The following PLOD3 variants were observed in gnomAD, a reference collection of about 807,000 sequenced individuals.
The protein encoded by PLOD3 is multifunctional procollagen lysine hydroxylase and glycosyltransferase LH3.
Under a neutral mutation model 96.9 loss-of-function variants are expected in PLOD3, and 73 were observed. The observed-to-expected ratio is 0.75, with a 90% CI of 0.62 to 0.92. The LOEUF (loss-of-function observed/expected upper bound fraction) is 0.92. Among genes scored for constraint, PLOD3 ranks in the 40% least tolerant of loss-of-function variants. The pLI, the probability that PLOD3 is intolerant of heterozygous loss-of-function variation, is 0.00. For missense variants in PLOD3, 1,004 were observed against 1,004.3 expected (o/e 1.00, Z 0.00); for synonymous variants, 454 against 413.7 (o/e 1.10, Z -1.18).
At chr7:101,208,420 T>C (rs1798120421) in intron 16 of PLOD3, among the ~76,000 whole-genome samples, 1 of 152,180 alleles carries the variant, frequency 6.6e-6, no homozygotes, top group African/African-American at 2.4e-5. Flanking sequence ...TTTGTGTTTT[T>C]AGTAGAGATG....
At chr7:101,206,561 T>C in intron 18 of PLOD3, 125 bp from the exon 19 acceptor site, 1 of 1,001,158 alleles carries the variant, frequency 1.0e-6, no homozygotes, top group Non-Finnish European at 1.5e-6. Flanking sequence ...ACAAGGGAGA[T>C]GGCAGATATG....
intron 14 of PLOD3, 21 bp downstream of exon 14, chr7:101,210,310 G>T: frequency 6.3e-7 from 1 of 1,592,718 alleles, no homozygotes; most frequent in Non-Finnish European, 8.6e-7. Context: ...TGTGTGCTCT[G>T]GGCGTGGGGT....
intron 6 of PLOD3, 52 bp downstream of exon 6, chr7:101,215,037 C>T: frequency 1.5e-6 from 2 of 1,346,304 alleles, no homozygotes; most frequent in Non-Finnish European, 2.1e-6. Context: ...AGCTCAAGAC[C>T]CCTAGCTGCA....
intron 5 of PLOD3, 84 bp downstream of exon 5, chr7:101,215,824 C>T: frequency 2.1e-6 from 2 of 949,934 alleles, no homozygotes; most frequent in Non-Finnish European, 3.4e-6. Context: ...CTTTGCAACC[C>T]CCTTTGCTCC....
At chr7:101,208,377 G>A (rs1401708222) in intron 16 of PLOD3, among the ~76,000 whole-genome samples, 2 of 152,012 alleles carry the variant, frequency 1.3e-5, no homozygotes, top group Non-Finnish European at 1.5e-5. Context: ...GAGTAGCTGG[G>A]ACTACAGGCG....
Position 101,206,410 on chromosome 7 carries a change from G to A in PLOD3, c.2088C>T (p.Tyr696=), listed in dbSNP as rs140519195. The A allele has an allele frequency of 4.9e-5, 79 of 1,612,634 alleles. 1 individual carries two copies. The highest frequency in any genetic ancestry group is 4.1e-4 in the African/African-American group (31 of 75,000). ...YEGGGCRFLR[Y]DCVISSPRKG... ...TCCTCGGGGAGGAGATCACACAGTCGTAGCGCAGGAAGCGGCAGCCACCTC... is the reference window on the plus strand; with the variant it reads ...TCCTCGGGGAGGAGATCACACAGTCATAGCGCAGGAAGCGGCAGCCACCTC... The change falls in exon 19 of 19, where the codon TAC becomes TAT. Residue 696 remains tyrosine, a synonymous_variant. Transcript: ENST00000223127.
At position 101,212,814 on chromosome 7, in the gene PLOD3, GTGCCCCTCCCTGGCACCCCCACCTCACC is replaced by G; in HGVS notation, c.879_879+27del. On this transcript the variant is annotated splice_donor_variant and splice_donor_5th_base_variant and coding_sequence_variant and intron_variant, in exon 8 of 19. Coordinates refer to ENST00000223127, the MANE Select transcript of PLOD3 (RefSeq NM_001084.5). LOFTEE classifies it high-confidence loss of function. ...CTCCTGCTCAGCACGCTGCCCTCTCGTGCCCCTCCCTGGCACCCCCACCTCACCTGCCCCCCCGGGAGTGTCCTCCGGT... is the reference window on the plus strand; with the variant it reads ...CTCCTGCTCAGCACGCTGCCCTCTCGTGCCCCCCCGGGAGTGTCCTCCGGT... 1.9e-6 allele frequency: 3 copies of G among 1,582,480 alleles called. No individual in the cohort carries two copies.
rs74498833 is a variant in PLOD3, at chr7:101,207,627, G to A, written c.1886C>T (p.Thr629Met). Residue 629 changes from threonine (T) to methionine (M), a missense_variant, in exon 17 of 19, where the codon ACG becomes ATG. Thr to Met is a moderately conservative substitution (Grantham distance 81). Transcript: ENST00000223127. ...YEDQWLQLLR[T>M]YVGPMTESLF... ...GCTCTCGGTCATGGGGCCCACATAC[G>A]TCCGCAGCAGCTGCAGCCACTGGTC... 8.6e-3 allele frequency: 13,906 copies of A among 1,614,026 alleles called. 231 individuals are homozygous for A. The highest frequency in any genetic ancestry group is 0.079 in the East Asian group (3,547 of 44,852).
Position 101,212,246 on chromosome 7 carries a change from C to T in PLOD3, c.1127+7G>A, listed in dbSNP as rs758089993. 8.1e-6 allele frequency: 13 copies of T among 1,612,168 alleles called. No homozygotes were observed. The highest frequency in any genetic ancestry group is 6.7e-5 in the Admixed American group (4 of 60,014). On this transcript the variant is annotated splice_region_variant and intron_variant, in intron 10 of 18. Coordinates refer to ENST00000223127, the MANE Select transcript of PLOD3 (RefSeq NM_001084.5). ...CCACCCTCTCCTCCCCGCAAGCACC[C>T]GCTCACATGGCCATGTCCCTGGCCT...
chr7:101,212,095 G>A (rs1363122521), intron 10 of PLOD3, 145 bp from the exon 11 acceptor site: 1 of 1,100,640 alleles, frequency 9.1e-7, no homozygotes, highest in African/African-American at 1.5e-5. Context: ...GAGCTGGCAA[G>A]GGCAGGAGTG....
chr7:101,206,814 T>C lies in PLOD3; in HGVS notation c.2026A>G (p.Asn676Asp), dbSNP rs777650701. ...AGGCCCTTGTGGTTGAGGGCAACGTTGAGGGTGAAGGTGGATGAGTCGTGG... is the reference window on the plus strand; with the variant it reads ...AGGCCCTTGTGGTTGAGGGCAACGTCGAGGGTGAAGGTGGATGAGTCGTGG... ...PHHDSSTFTLNVALNHKGLDY... is the reference protein window; with the variant it reads ...PHHDSSTFTLDVALNHKGLDY... The change falls in exon 18 of 19, where the codon AAC (asparagine) becomes GAC (aspartate). Residue 676 changes from asparagine to aspartate, a missense_variant. This residue lies in a region of PLOD3 where 222 missense variants were observed against 220.4 expected (regional missense o/e 1.01). Coordinates refer to ENST00000223127, the MANE Select transcript of PLOD3 (RefSeq NM_001084.5). The C allele has an allele frequency of 6.3e-7, 1 of 1,581,346 alleles. No homozygotes were observed. The highest frequency in any genetic ancestry group is 1.2e-5 in the South Asian group (1 of 86,340).
At chr7:101,214,462 G>A (rs1240890477) in intron 6 of PLOD3, among the ~76,000 whole-genome samples, 1 of 152,072 alleles carries the variant, frequency 6.6e-6, no homozygotes, top group Non-Finnish European at 1.5e-5. Context: ...CATCCCCTGA[G>A]GCAAGTCACC....
chr7:101,217,421 G>T lies in PLOD3; in HGVS notation c.-147C>A. Reference sequence around the variant, plus strand: ...AGCAGCTTGGCTGGGGCTACGCCCTGAAAAAAAGGCGTATCCGGAGGCTAC... The same window carrying T: ...AGCAGCTTGGCTGGGGCTACGCCCTTAAAAAAAGGCGTATCCGGAGGCTAC... On this transcript the variant is annotated 5_prime_UTR_variant, in exon 1 of 19. Transcript: ENST00000223127. The T allele has an allele frequency of 4.2e-6, 3 of 719,614 alleles. No individual in the cohort carries two copies. Among genetic ancestry groups the T allele is most frequent in the Non-Finnish European group, 6.1e-6 (3 of 495,002 alleles). 44.6% of individuals were successfully genotyped at this position (719,614 alleles called of 1,614,324 possible).
rs138190980 is a variant in PLOD3 at position 101,210,580 on chromosome 7, G to C, written c.1452C>G (p.Gly484=). The change falls in exon 13 of 19, where the codon GGC becomes GGG. Residue 484 remains glycine, a synonymous_variant. Transcript: ENST00000223127. Reference sequence around the variant, plus strand: ...AGGCCATGTCCGGGTCTGTGTCACTGCCCGAGAACACATCCCTCTGGGGCA... The same window carrying C: ...AGGCCATGTCCGGGTCTGTGTCACTCCCCGAGAACACATCCCTCTGGGGCA... ...MELPQRDVFS[G]SDTDPDMAFC... 255 of 1,614,202 alleles carry C rather than the reference G, an allele frequency of 1.6e-4. 2 individuals are homozygous for C. In the East Asian group the frequency reaches 5.6e-3, roughly 36 times the overall value.
chr7:101,210,119 G>A lies in PLOD3; in HGVS notation c.1657C>T (p.Leu553=), dbSNP rs1584251738. The A allele has an allele frequency of 6.2e-7, 1 of 1,605,102 alleles. No individual in the cohort carries two copies. The highest frequency in any genetic ancestry group is 2.2e-5 in the East Asian group (1 of 44,546). The change falls in exon 15 of 19, where the codon CTG becomes TTG. Residue 553 remains leucine, a synonymous_variant. Transcript: ENST00000223127. ...TGCTCCACGATTCCTTCCCCTTCCA[G>A]GGCCCGGCTGTAGTTCTCGTGGATG... ...QYIHENYSRA[L]EGEGIVEQPC... is the part of the protein sequence containing the mutation.
At chr7:101,207,345 T>C (rs1421381686) in intron 17 of PLOD3, among the ~76,000 whole-genome samples, 1 of 151,680 alleles carries the variant, frequency 6.6e-6, no homozygotes. Context: ...GCGGGACCCC[T>C]GCGTAGGAGG....
In PLOD3 at chr7:101,215,976, A is replaced by G. The variant is rs775954530; in HGVS notation, c.547T>C (p.Trp183Arg). The G allele has an allele frequency of 1.2e-6, 2 of 1,613,898 alleles. No homozygotes were observed. Among genetic ancestry groups the G allele is most frequent in the African/African-American group, 1.3e-5 (1 of 74,940 alleles). The change falls in exon 5 of 19, where the codon TGG becomes CGG. Residue 183 changes from tryptophan (W) to arginine (R), a missense_variant. By Grantham distance (101) the Trp-to-Arg change is moderately radical. This residue lies in a region of PLOD3 where 690 missense variants were observed against 650.2 expected (regional missense o/e 1.06). Coordinates refer to ENST00000223127, the MANE Select transcript of PLOD3 (RefSeq NM_001084.5). ...TCGTCGTCATCATCCTTGTACTTCC[A>G]CTGGCGCACGATTTGGTGGATGGTG... ...ATTIHQIVRQ[W>R]KYKDDDDDQL...
rs2116813829 is a variant in PLOD3 at position 101,217,251 on chromosome 7, G to A, written c.24C>T (p.Pro8=). The change falls in exon 1 of 19, where the codon CCC becomes CCT. Residue 8 remains proline, a synonymous_variant. Transcript: ENST00000223127. ...GCAGCGGCAGCAGCAGCAGGAACCG[G>A]GGTCCAGGCCCCGAGGAGGTCATGG... is the stretch of plus-strand genomic sequence containing the variant. MTSSGPG[P]RFLLLLPLLL... 2 of 1,496,390 alleles carry A rather than the reference G, an allele frequency of 1.3e-6. No individual in the cohort carries two copies. The highest frequency in any genetic ancestry group is 1.3e-5 in the South Asian group (1 of 77,392). The allele number at this position is 1,496,390 out of a possible 1,614,324, so 92.7% of individuals were successfully genotyped here.
chr7:101,209,830 T>C (rs967733702), intron 15 of PLOD3: 6 of 418,552 alleles, frequency 1.4e-5, no homozygotes, highest in African/African-American at 6.0e-5. Flanking sequence ...CATGAGCCAC[T>C]GAGCCCAGCC....
Sources: allele counts gnomAD v4.1 joint callset (sites outside exome capture counted in the v4.1 genomes callset), GRCh38; gene constraint gnomAD v4.1.1; regional missense constraint gnomAD v4.1.1; transcripts MANE v1.5; gene names NCBI Gene and HGNC (gene_info 2026-07-23, HGNC 2026-07-21).